Variants in GFRAL observed in about 807,000 individuals in gnomAD.
The protein encoded by GFRAL is GDNF family receptor alpha like, also known as GDNF family receptor alpha-like.
A neutral mutation model predicts 45.4 loss-of-function variants in GFRAL; 36 were observed. That is an observed-to-expected ratio of 0.79 (90% CI 0.61 to 1.05). GFRAL has a LOEUF of 1.05. Ranked by LOEUF, GFRAL falls within the 50% of genes least tolerant of loss-of-function variation. GFRAL has a pLI of 0.00. For synonymous variants in GFRAL, 166 were observed against 154.1 expected (o/e 1.08, Z -0.57); for missense variants, 507 against 467.5 (o/e 1.08, Z -0.78).
intron 3 of GFRAL, among the ~76,000 whole-genome samples, chr6:55,348,547 T>G (rs116260457): frequency 0.013 from 1,985 of 152,178 alleles, 23 homozygotes; most frequent in Non-Finnish European, 0.022. Context: ...CCCAGAATCT[T>G]TTCCTGGCTA....
At chr6:55,370,326 T>TA (rs1176933832) in intron 6 of GFRAL, among the ~76,000 whole-genome samples, 14 of 151,918 alleles carry the variant, frequency 9.2e-5, no homozygotes, top group African/African-American at 2.4e-4. Context: ...TTTGCCACAT[T>TA]AAAAAAAATC....
At chr6:55,348,778 A>G (rs548762115) in intron 3 of GFRAL, among the ~76,000 whole-genome samples, 1 of 152,178 alleles carries the variant, frequency 6.6e-6, no homozygotes, top group East Asian at 1.9e-4. Context: ...GCTCCAACTT[A>G]TGAATGTAGG....
intron 6 of GFRAL, among the ~76,000 whole-genome samples, chr6:55,384,876 A>AG (rs557785759): frequency 6.6e-6 from 1 of 151,696 alleles, no homozygotes; most frequent in South Asian, 2.1e-4. Flanking sequence ...AAAAAAAAAA[A>AG]AAAGTCAGAC....
chr6:55,368,313 C>T (rs1400925005), intron 6 of GFRAL, among the ~76,000 whole-genome samples: 2 of 148,972 alleles, frequency 1.3e-5, no homozygotes, highest in Admixed American at 1.3e-4. Context: ...AAGCACTTCT[C>T]TGTATTGGTT....
chr6:55,337,940 T>G (rs1767912918), intron 3 of GFRAL, among the ~76,000 whole-genome samples: 1 of 152,212 alleles, frequency 6.6e-6, no homozygotes, highest in African/African-American at 2.4e-5. Flanking sequence ...GATTTTATTC[T>G]TTCCTCATAT....
At chr6:55,356,283 G>A (rs896769762) in intron 5 of GFRAL, among the ~76,000 whole-genome samples, 4 of 151,816 alleles carry the variant, frequency 2.6e-5, no homozygotes, top group African/African-American at 9.7e-5. Context: ...AATATTTTTA[G>A]TAGAATTGGT....
At position 55,366,810 on chromosome 6, in the gene GFRAL, TTGTTA is replaced by T. The variant is rs1480247897; in HGVS notation, c.952+7674_952+7678del. Among the ~76,000 whole-genome samples the T allele has an allele frequency of 8.5e-5, 10 of 117,794 alleles. 1 individual carries two copies. The highest frequency in any genetic ancestry group is 3.1e-4 in the African/African-American group (8 of 25,834). 77.3% of individuals were successfully genotyped at this position (117,794 alleles called of 152,430 possible). On this transcript the variant is annotated intron_variant, in intron 6 of 8. Coordinates refer to ENST00000340465, the MANE Select transcript of GFRAL (RefSeq NM_207410.2). ...ATTGCACTGTGGTCTGAGAGATAGT[TTGTTA>T]TAATTTCTGTTCTTTTACATTTGCT... is the stretch of plus-strand genomic sequence containing the variant.
At chr6:55,346,716 A>G (rs188070157) in intron 3 of GFRAL, among the ~76,000 whole-genome samples, 238 of 151,914 alleles carry the variant, frequency 1.6e-3, no homozygotes, top group Middle Eastern at 3.4e-3. Context: ...AAAGTTGACC[A>G]TATGTTGAGT....
intron 3 of GFRAL, among the ~76,000 whole-genome samples, chr6:55,336,745 A>G (rs924799450): frequency 6.6e-6 from 1 of 152,016 alleles, no homozygotes; most frequent in African/African-American, 2.4e-5. Context: ...CCCCAACTAG[A>G]GCTTTCAATA....
At chr6:55,332,743 A>AAT (rs1367508664) in intron 2 of GFRAL, among the ~76,000 whole-genome samples, 1 of 152,134 alleles carries the variant, frequency 6.6e-6, no homozygotes, top group Non-Finnish European at 1.5e-5. Flanking sequence ...AAAAAGAAAA[A>AAT]ATATATATAT....
chr6:55,361,468 G>C (rs1261331144), intron 6 of GFRAL, among the ~76,000 whole-genome samples: 1 of 151,678 alleles, frequency 6.6e-6, no homozygotes, highest in Non-Finnish European at 1.5e-5. Flanking sequence ...GTAAATTGTA[G>C]TTATAATGTA....
intron 6 of GFRAL, among the ~76,000 whole-genome samples, chr6:55,374,014 C>G (rs1263118166): frequency 1.3e-5 from 2 of 152,136 alleles, no homozygotes; most frequent in African/African-American, 4.8e-5. Flanking sequence ...GTTTTCTGCT[C>G]CTGTGTTAGT....
intron 6 of GFRAL, among the ~76,000 whole-genome samples, chr6:55,363,701 T>C (rs914712552): frequency 1.3e-5 from 2 of 150,104 alleles, no homozygotes; most frequent in African/African-American, 4.9e-5. Context: ...GGTTTTTTGT[T>C]CTTGCGATAG....
At chr6:55,364,914 T>C (rs1361454150) in intron 6 of GFRAL, among the ~76,000 whole-genome samples, 1 of 152,090 alleles carries the variant, frequency 6.6e-6, no homozygotes, top group African/African-American at 2.4e-5. Flanking sequence ...ATTGACTTGG[T>C]GATGCGGGCT....
At chr6:55,400,512 A>G (rs991504026) in intron 8 of GFRAL, among the ~76,000 whole-genome samples, 1 of 152,166 alleles carries the variant, frequency 6.6e-6, no homozygotes. Context: ...GGTGATACCA[A>G]GGGGTCAGGT....
intron 6 of GFRAL, among the ~76,000 whole-genome samples, chr6:55,397,985 T>C (rs992218438): frequency 6.6e-6 from 1 of 152,236 alleles, no homozygotes; most frequent in African/African-American, 2.4e-5. Flanking sequence ...TAGCACACAC[T>C]GTGCATGTTT....
chr6:55,370,681 T>C (rs1170952353), intron 6 of GFRAL, among the ~76,000 whole-genome samples: 2 of 152,108 alleles, frequency 1.3e-5, no homozygotes, highest in East Asian at 1.9e-4. Context: ...AATAAACCAA[T>C]AAAATCACAT....
intron 4 of GFRAL, among the ~76,000 whole-genome samples, 177 bp downstream of exon 4, chr6:55,350,322 A>G (rs565840052): frequency 1.1e-4 from 16 of 152,212 alleles, no homozygotes; most frequent in African/African-American, 3.6e-4. Context: ...GCATCAAAGC[A>G]ACTACTTTGC....
chr6:55,368,804 G>A (rs528260602), intron 6 of GFRAL, among the ~76,000 whole-genome samples: 13 of 152,336 alleles, frequency 8.5e-5, no homozygotes, highest in Admixed American at 7.8e-4. Context: ...CCCATTCTCA[G>A]ATCTGCAGCT....
Sources: allele counts gnomAD v4.1 joint callset (sites outside exome capture counted in the v4.1 genomes callset), GRCh38; gene constraint gnomAD v4.1.1; transcripts MANE v1.5; gene names NCBI Gene and HGNC (gene_info 2026-07-23, HGNC 2026-07-21).